The following LUC7L variants were observed in gnomAD, a reference collection of about 807,000 sequenced individuals.
The protein encoded by LUC7L is putative RNA-binding protein Luc7-like 1.
In LUC7L, 29 loss-of-function variants were observed where a neutral mutation model predicts 51.1. The observed-to-expected ratio is 0.57, with a 90% CI of 0.42 to 0.77. LUC7L has a LOEUF of 0.77. Among genes scored for constraint, LUC7L ranks in the 30% least tolerant of loss-of-function variants. The probability of loss-of-function intolerance (pLI) is 0.00; values close to 1 mark genes in which losing one functional copy is unlikely to be tolerated. For missense variants in LUC7L, 403 were observed against 511.9 expected (o/e 0.79, Z 2.05); for synonymous variants, 181 against 180.7 (o/e 1.00, Z -0.01).
intron 9 of LUC7L, chr16:189,765 G>A (rs1004642498): frequency 3.6e-6 from 5 of 1,408,038 alleles, no homozygotes; most frequent in Admixed American, 2.9e-5. Context: ...CAGTGCCTGT[G>A]CAGCCCATCA....
In LUC7L at chr16:206,094, G is replaced by T; in HGVS notation, c.420C>A (p.Ala140=). 6.2e-7 allele frequency: 1 copy of T among 1,613,714 alleles called. No homozygotes were observed. Among genetic ancestry groups the T allele is most frequent in the South Asian group, 1.1e-5 (1 of 90,968 alleles). The change falls in exon 5 of 10, where the codon GCC becomes GCA. Residue 140 remains alanine (A), a synonymous_variant. Coordinates refer to ENST00000293872, the MANE Select transcript of LUC7L (RefSeq NM_201412.3). ...NEEIGKLLAK[A]EQLGAEGNVD... ...CATTACCTTCAGCCCCTAGCTGTTC[G>T]GCTTTAGCAAGGAGTTTTCCTATTT...
chr16:227,965 T>G, intron 1 of LUC7L: 3 of 1,032,522 alleles, frequency 2.9e-6, no homozygotes, highest in Non-Finnish European at 3.5e-6. Context: ...ATACACACTG[T>G]GAGCTCCAAC....
intron 3 of LUC7L, among the ~76,000 whole-genome samples, chr16:216,413 C>T (rs1220722922): frequency 3.7e-5 from 5 of 134,236 alleles, no homozygotes; most frequent in African/African-American, 1.2e-4. Context: ...GACGGAGTCT[C>T]GCTCGGTTGT....
At chr16:219,523 C>G (rs2049905779) in intron 3 of LUC7L, among the ~76,000 whole-genome samples, 1 of 152,074 alleles carries the variant, frequency 6.6e-6, no homozygotes, top group Non-Finnish European at 1.5e-5. Context: ...CACTTACAGT[C>G]AGCTATAATC....
At chr16:190,341 C>G (rs10153052) in intron 8 of LUC7L, among the ~76,000 whole-genome samples, 200 bp downstream of exon 8, 2,382 of 152,190 alleles carry the variant, frequency 0.016, 48 homozygotes, top group African/African-American at 0.054. Context: ...CTGGATACTC[C>G]TGTCACCCTG....
intron 3 of LUC7L, among the ~76,000 whole-genome samples, chr16:213,383 A>T (rs192805065): frequency 1.3e-5 from 2 of 152,068 alleles, no homozygotes; most frequent in Admixed American, 1.3e-4. Flanking sequence ...GGCAGAAAAT[A>T]AAGGCCCACA....
intron 7 of LUC7L, 54 bp downstream of exon 7, chr16:192,873 G>T: frequency 6.9e-7 from 1 of 1,445,508 alleles, no homozygotes; most frequent in African/African-American, 1.4e-5. Context: ...AATGGACCGA[G>T]CAGGGAATGC....
chr16:215,678 C>CTGTA (rs1325409637), intron 3 of LUC7L, among the ~76,000 whole-genome samples: 1 of 151,680 alleles, frequency 6.6e-6, no homozygotes, highest in Non-Finnish European at 1.5e-5. Context: ...TGACATGCAC[C>CTGTA]TGTAGTCCCA....
chr16:193,023 A>C lies in LUC7L; in HGVS notation c.688-8T>G, dbSNP rs758194733. ...CTTTTCAGCGACAGTTTTCTAAATA[A>C]ATGAAACAAAAAATGAGGAAGAGCA... is the stretch of plus-strand genomic sequence containing the variant. On this transcript the variant is annotated splice_region_variant and splice_polypyrimidine_tract_variant and intron_variant, in intron 6 of 9. Coordinates refer to ENST00000293872, the MANE Select transcript of LUC7L (RefSeq NM_201412.3). 1.2e-5 allele frequency: 20 copies of C among 1,610,328 alleles called. No homozygotes were observed. The South Asian group carries it at 2.1e-4, about 17-fold the overall frequency.
At chr16:193,285 T>TC (rs1489428989) in intron 6 of LUC7L, among the ~76,000 whole-genome samples, 2 of 151,710 alleles carry the variant, frequency 1.3e-5, no homozygotes, top group African/African-American at 4.9e-5. Context: ...TAGCTGGGAT[T>TC]ACAGGCACAT....
At chr16:189,594 C>A in intron 9 of LUC7L, 1 of 1,356,996 alleles carries the variant, frequency 7.4e-7, no homozygotes, top group Non-Finnish European at 9.5e-7. Flanking sequence ...GAATACAACA[C>A]TATATGCACA....
intron 3 of LUC7L, among the ~76,000 whole-genome samples, chr16:217,590 C>T (rs1317114323): frequency 2.6e-5 from 4 of 151,186 alleles, no homozygotes; most frequent in Admixed American, 6.6e-5. Context: ...ACCTGTAATC[C>T]CAGCTACTCA....
chr16:220,613 C>A, intron 3 of LUC7L, 36 bp downstream of exon 3: 1 of 1,468,220 alleles, frequency 6.8e-7, no homozygotes, highest in African/African-American at 1.4e-5. Flanking sequence ...TTGGGTTCTT[C>A]GCAGTAGGAA....
intron 3 of LUC7L, chr16:209,700 G>C (rs1056919358): frequency 1.3e-5 from 2 of 152,134 alleles, no homozygotes; most frequent in African/African-American, 2.4e-5. Context: ...GCAGATGACA[G>C]GAAAACACTA....
At chr16:228,756 G>A (rs946627313) in intron 1 of LUC7L, 1 of 1,270,672 alleles carries the variant, frequency 7.9e-7, no homozygotes, top group Admixed American at 2.4e-5. Context: ...TGGGGGGAAG[G>A]GGGCAGCTGG....
intron 5 of LUC7L, among the ~76,000 whole-genome samples, chr16:200,250 G>A (rs1414938819): frequency 1.3e-5 from 2 of 151,612 alleles, no homozygotes; most frequent in Non-Finnish European, 2.9e-5. Context: ...GTGAAACCCC[G>A]TCTCTACTAA....
chr16:228,944 C>CT, intron 1 of LUC7L: 1 of 1,399,156 alleles, frequency 7.1e-7, no homozygotes, highest in Non-Finnish European at 9.4e-7. Context: ...GGAGCCCACG[C>CT]TGATTCCAGC....
chr16:203,011 C>T (rs1420807719), intron 5 of LUC7L, among the ~76,000 whole-genome samples: 1 of 152,068 alleles, frequency 6.6e-6, no homozygotes, highest in Admixed American at 6.6e-5. Context: ...ATTAGCTGGG[C>T]ATGGTGGCAG....
At chr16:207,956 C>G in intron 4 of LUC7L, 122 bp downstream of exon 4, 1 of 624,892 alleles carries the variant, frequency 1.6e-6, no homozygotes, top group South Asian at 2.1e-5. Flanking sequence ...TTGCACTGAG[C>G]TGAGATCATG....
Sources: gnomAD v4.1 joint callset for allele counts (sites outside exome capture counted in the v4.1 genomes callset) on GRCh38, gnomAD v4.1.1 for gene constraint, MANE v1.5 for transcripts, NCBI Gene and HGNC (gene_info 2026-07-23, HGNC 2026-07-21) for gene names.